Variants in SDC2 observed in about 807,000 individuals in gnomAD.
SDC2 encodes syndecan-2.
In SDC2, 13 loss-of-function variants were observed where a neutral mutation model predicts 22.2. The observed-to-expected ratio is 0.59, with a 90% CI of 0.38 to 0.93. The LOEUF (loss-of-function observed/expected upper bound fraction) is 0.93, where lower values mean the gene tolerates loss of function less well. SDC2 is among the 40% of genes least tolerant of loss of function. The pLI, the probability that SDC2 is intolerant of heterozygous loss-of-function variation, is 0.00. For synonymous variants in SDC2, 94 were observed against 92.8 expected, an observed-to-expected ratio of 1.01 and a Z score of -0.07; for missense variants, 235 against 246.8, an observed-to-expected ratio of 0.95 and a Z score of 0.32.
chr8:96,519,298 A>AT (rs1398639428), intron 1 of SDC2, among the ~76,000 whole-genome samples: 2 of 152,130 alleles, frequency 1.3e-5, no homozygotes, highest in Non-Finnish European at 2.9e-5. Flanking sequence ...CCCCCACACT[A>AT]TTTTTTGTAA....
chr8:96,597,498 C>G (rs948064966), intron 2 of SDC2, among the ~76,000 whole-genome samples: 1 of 152,108 alleles, frequency 6.6e-6, no homozygotes, highest in South Asian at 2.1e-4. Flanking sequence ...AAACAGGCAA[C>G]CAAGGCTCCC....
chr8:96,597,266 C>T (rs1347697349), intron 2 of SDC2, among the ~76,000 whole-genome samples: 4 of 152,318 alleles, frequency 2.6e-5, no homozygotes, highest in African/African-American at 9.6e-5. Flanking sequence ...TCCATTTACC[C>T]TCTGGGTAGG....
chr8:96,603,338 C>T (rs895370577), intron 3 of SDC2, among the ~76,000 whole-genome samples: 5 of 152,196 alleles, frequency 3.3e-5, no homozygotes, highest in African/African-American at 9.6e-5. Flanking sequence ...AGTCACCATT[C>T]TGTAAGCATT....
intron 1 of SDC2, among the ~76,000 whole-genome samples, chr8:96,497,176 G>A (rs1198985999): frequency 6.6e-6 from 1 of 152,084 alleles, no homozygotes; most frequent in Non-Finnish European, 1.5e-5. Context: ...TTATCTCTCG[G>A]TGTATTATGA....
intron 1 of SDC2, among the ~76,000 whole-genome samples, chr8:96,518,451 C>T (rs1586276181): frequency 6.6e-6 from 1 of 151,644 alleles, no homozygotes. Context: ...AGCTCCGCCT[C>T]CCAGGTTCAC....
At chr8:96,535,176 T>A (rs532835066) in intron 1 of SDC2, among the ~76,000 whole-genome samples, 50 of 152,174 alleles carry the variant, frequency 3.3e-4, no homozygotes, top group Admixed American at 2.7e-3. Context: ...GCCCAGCTAA[T>A]TTTTGTATTT....
chr8:96,551,522 A>G (rs975385545), intron 1 of SDC2, among the ~76,000 whole-genome samples: 1 of 152,146 alleles, frequency 6.6e-6, no homozygotes, highest in East Asian at 1.9e-4. Context: ...GAAACCGGAG[A>G]CAGAGCAGTT....
At chr8:96,551,391 A>T (rs1390070374) in intron 1 of SDC2, among the ~76,000 whole-genome samples, 4 of 152,222 alleles carry the variant, frequency 2.6e-5, no homozygotes, top group Non-Finnish European at 5.9e-5. Context: ...ACACTGATAT[A>T]CTGCCTGTTT....
intron 1 of SDC2, among the ~76,000 whole-genome samples, chr8:96,534,008 C>A (rs1813710279): frequency 6.6e-6 from 1 of 152,204 alleles, no homozygotes; most frequent in Non-Finnish European, 1.5e-5. Flanking sequence ...GGCGGGCCAG[C>A]ACTGCTGGGG....
chr8:96,564,187 TGTA>T (rs1238526484), intron 1 of SDC2, among the ~76,000 whole-genome samples: 1 of 152,204 alleles, frequency 6.6e-6, no homozygotes, highest in African/African-American at 2.4e-5. Context: ...ATTAAAAAAA[TGTA>T]GGAATCATTC....
chr8:96,533,533 G>A (rs982730921), intron 1 of SDC2, among the ~76,000 whole-genome samples: 2 of 150,842 alleles, frequency 1.3e-5, no homozygotes, highest in African/African-American at 2.5e-5. Flanking sequence ...TTAGCTAGAC[G>A]TAAAGGTTCT....
At chr8:96,585,011 GAAGT>G (rs1814658100) in intron 1 of SDC2, 1 of 152,166 alleles carries the variant, frequency 6.6e-6, no homozygotes, top group Admixed American at 6.5e-5. Context: ...ACCACAAACA[GAAGT>G]AAGAATTGTC....
At chr8:96,557,673 G>C (rs556275685) in intron 1 of SDC2, among the ~76,000 whole-genome samples, 270 of 152,170 alleles carry the variant, frequency 1.8e-3, no homozygotes, top group Non-Finnish European at 2.9e-3. Context: ...ATACCTAATG[G>C]TAGATGACGA....
intron 2 of SDC2, among the ~76,000 whole-genome samples, chr8:96,597,959 C>T (rs1814908792): frequency 6.6e-6 from 1 of 152,194 alleles, no homozygotes; most frequent in Non-Finnish European, 1.5e-5. Context: ...TATAAGTTGT[C>T]TAAGTCCATT....
At chr8:96,528,442 T>G (rs1191340594) in intron 1 of SDC2, among the ~76,000 whole-genome samples, 1 of 152,194 alleles carries the variant, frequency 6.6e-6, no homozygotes, top group Non-Finnish European at 1.5e-5. Context: ...AAGAAAGATT[T>G]AGAAAATGCA....
At position 96,526,661 on chromosome 8, in the gene SDC2, G is replaced by GT. The variant is rs58922696; in HGVS notation, c.60+32341dup. ...TAGTAAAAGTGAAAAGAGGCCTTTG[G>GT]TTTTTTTTTTTGGACAGTTTTTAAG... On this transcript the variant is annotated intron_variant, in intron 1 of 4. Coordinates refer to ENST00000302190, the MANE Select transcript of SDC2 (RefSeq NM_002998.4). Among the ~76,000 whole-genome samples the GT allele has an allele frequency of 2.9e-3, 426 of 145,968 alleles. 2 individuals carry two copies. Among genetic ancestry groups the GT allele is most frequent in the South Asian group, 0.011 (50 of 4,620 alleles).
At chr8:96,545,978 G>A (rs1016615453) in intron 1 of SDC2, among the ~76,000 whole-genome samples, 5 of 152,218 alleles carry the variant, frequency 3.3e-5, no homozygotes, top group Non-Finnish European at 7.3e-5. Context: ...GATGCGTGCA[G>A]CGAGGCAACA....
At chr8:96,589,410 G>A (rs1407901359) in intron 1 of SDC2, among the ~76,000 whole-genome samples, 2 of 149,394 alleles carry the variant, frequency 1.3e-5, no homozygotes, top group Non-Finnish European at 3.0e-5. Flanking sequence ...TTGTTTGTTT[G>A]TTTGTTGTTT....
At chr8:96,565,084 ATTTTTT>A (rs11304418) in intron 1 of SDC2, among the ~76,000 whole-genome samples, 1 of 67,800 alleles carries the variant, frequency 1.5e-5, no homozygotes, top group Non-Finnish European at 2.9e-5. Context: ...CCTAAATTTG[ATTTTTT>A]TTTTTTTTTG....
Sources: allele counts gnomAD v4.1 joint callset (sites outside exome capture counted in the v4.1 genomes callset), GRCh38; gene constraint gnomAD v4.1.1; transcripts MANE v1.5; gene names NCBI Gene and HGNC (gene_info 2026-07-23, HGNC 2026-07-21).